SNX13: variants seen among roughly 807,000 people sequenced by gnomAD.
SNX13 encodes the protein sorting nexin-13.
A neutral mutation model predicts 133.6 loss-of-function variants in SNX13; 45 were observed. That is an observed-to-expected ratio of 0.34 (90% CI 0.27 to 0.43). The LOEUF is 0.43. SNX13 is among the 20% of genes least tolerant of loss of function. SNX13 has a pLI of 1.00. For synonymous variants in SNX13, 414 were observed against 373.9 expected (o/e 1.11, Z -1.24); for missense variants, 1,032 against 1,145.1 (o/e 0.90, Z 1.43).
At chr7:17,929,815 C>A (rs1206670878) in intron 1 of SNX13, among the ~76,000 whole-genome samples, 8 of 152,114 alleles carry the variant, frequency 5.3e-5, no homozygotes, top group Non-Finnish European at 1.0e-4. Flanking sequence ...AGGTGTCATC[C>A]CTTTGTATTT....
chr7:17,798,450 T>C (rs760557958), intron 24 of SNX13, among the ~76,000 whole-genome samples: 10 of 151,916 alleles, frequency 6.6e-5, no homozygotes, highest in Non-Finnish European at 1.5e-4. Flanking sequence ...TGTGATAAAA[T>C]GTAGCCTATC....
intron 12 of SNX13, among the ~76,000 whole-genome samples, chr7:17,842,164 C>T (rs764983209): frequency 2.0e-5 from 3 of 151,996 alleles, no homozygotes; most frequent in African/African-American, 2.4e-5. Flanking sequence ...TTCAAAGATA[C>T]CCACATGGAG....
chr7:17,817,722 T>C (rs1176243223), intron 18 of SNX13, among the ~76,000 whole-genome samples: 1 of 152,114 alleles, frequency 6.6e-6, no homozygotes, highest in Non-Finnish European at 1.5e-5. Context: ...TAGAAATGGG[T>C]CCTCACTGAA....
At position 17,834,791 on chromosome 7, in the gene SNX13, G is replaced by C; in HGVS notation, c.1434C>G (p.Thr478=). The C allele has an allele frequency of 6.2e-7, 1 of 1,608,320 alleles. No homozygotes were observed. Among genetic ancestry groups the C allele is most frequent in the Non-Finnish European group, 8.5e-7 (1 of 1,176,038 alleles). ...TTTGAATGTCATCAAAGATTTCAGG[G>C]GTTGGATCTTCATGATTCAAAGTAT... The part of the protein sequence containing the change: ...LADTLNHEDP[T]PEIFDDIQRK... The change falls in exon 14 of 26, where the codon ACC becomes ACG. Residue 478 remains threonine (T), a synonymous_variant. Coordinates refer to ENST00000428135, the MANE Select transcript of SNX13 (RefSeq NM_015132.5).
At chr7:17,882,770 T>C in intron 5 of SNX13, 1 of 1,178,380 alleles carries the variant, frequency 8.5e-7, no homozygotes, top group Non-Finnish European at 1.1e-6. Flanking sequence ...CTGAAAGGGT[T>C]CTCAAATCAC....
At chr7:17,910,157 T>C (rs905897431) in intron 1 of SNX13, among the ~76,000 whole-genome samples, 3 of 152,222 alleles carry the variant, frequency 2.0e-5, no homozygotes, top group Non-Finnish European at 2.9e-5. Context: ...TTTTTGATTA[T>C]TTTCCTTTTA....
chr7:17,857,726 A>G (rs1792099528), intron 9 of SNX13, among the ~76,000 whole-genome samples: 1 of 152,088 alleles, frequency 6.6e-6, no homozygotes, highest in Non-Finnish European at 1.5e-5. Context: ...TGGAGGTTAC[A>G]GTGAGCTGAG....
chr7:17,838,177 G>A (rs1393776987), intron 13 of SNX13, among the ~76,000 whole-genome samples: 1 of 151,784 alleles, frequency 6.6e-6, no homozygotes, highest in Non-Finnish European at 1.5e-5. Flanking sequence ...ACCTTATTAA[G>A]CAAATTATTT....
chr7:17,894,066 G>A (rs1409137747), intron 2 of SNX13, among the ~76,000 whole-genome samples: 1 of 151,158 alleles, frequency 6.6e-6, no homozygotes, highest in East Asian at 2.0e-4. Flanking sequence ...ACCTTGGGAG[G>A]CCGAGGCAGG....
intron 8 of SNX13, among the ~76,000 whole-genome samples, chr7:17,870,973 G>T (rs1583561248): frequency 6.6e-6 from 1 of 152,056 alleles, no homozygotes; most frequent in East Asian, 1.9e-4. Context: ...ATACAATTTA[G>T]CTGATAGAAT....
chr7:17,938,228 C>T (rs1187485554), intron 1 of SNX13, among the ~76,000 whole-genome samples: 1 of 152,136 alleles, frequency 6.6e-6, no homozygotes, highest in Non-Finnish European at 1.5e-5. Context: ...AGTTTACTGA[C>T]AATATTCAGA....
At chr7:17,805,952 G>C (rs554970048) in intron 20 of SNX13, among the ~76,000 whole-genome samples, 1 of 152,218 alleles carries the variant, frequency 6.6e-6, no homozygotes, top group South Asian at 2.1e-4. Flanking sequence ...AAGCATAAAA[G>C]CAAAGTCCAT....
chr7:17,821,684 A>G (rs1787300964), intron 17 of SNX13, 36 bp from the exon 18 acceptor site: 4 of 1,548,688 alleles, frequency 2.6e-6, no homozygotes, highest in Non-Finnish European at 2.6e-6. Flanking sequence ...AGCATATACT[A>G]ATCATTTAAA....
chr7:17,803,488 A>C lies in SNX13; in HGVS notation c.2157T>G (p.Thr719=), dbSNP rs766665204. ...TTTTGCCCATGTTGTCTGACATTTT[A>C]GTCATTCCCTCTGCCAAGCTATCAG... ...SLPDSLAEGM[T]KMSDNMGKMS... is the part of the protein sequence containing the mutation. Residue 719 remains threonine (T), a synonymous_variant, in exon 21 of 26, where the codon ACT becomes ACG. Coordinates refer to ENST00000428135, the MANE Select transcript of SNX13 (RefSeq NM_015132.5). 26 of 1,612,658 alleles carry C rather than the reference A, an allele frequency of 1.6e-5. No individual in the cohort carries two copies. In the East Asian group the frequency reaches 5.8e-4, roughly 36 times the overall value.
rs935445585 is a variant in SNX13 at position 17,794,205 on chromosome 7, C to T, written c.2714G>A (p.Arg905Lys). Residue 905 changes from arginine to lysine, a missense_variant, in exon 26 of 26, where the codon AGG (arginine) becomes AAG (lysine). By Grantham distance (26) the Arg-to-Lys change is conservative. Transcript: ENST00000428135. The part of the protein sequence containing the change: ...FEMFQHNQLN[R>K]RMVYVFLEGF... ...TTCCAAGAAGACATAAACCATTCTC[C>T]TATTTAATTGGTTGTGCTGAAACAT... 1.2e-6 allele frequency: 2 copies of T among 1,611,524 alleles called. No homozygotes were observed. Among genetic ancestry groups the T allele is most frequent in the African/African-American group, 1.3e-5 (1 of 74,816 alleles).
chr7:17,879,931 T>C (rs987508968), intron 5 of SNX13: 11 of 152,208 alleles, frequency 7.2e-5, no homozygotes, highest in South Asian at 2.1e-4. Flanking sequence ...ATGATTATAT[T>C]AGCTACATAA....
intron 9 of SNX13, among the ~76,000 whole-genome samples, chr7:17,861,599 C>T (rs932751668): frequency 2.0e-5 from 3 of 152,122 alleles, no homozygotes; most frequent in African/African-American, 4.8e-5. Context: ...GACAAAATGA[C>T]AGAGTATGAC....
chr7:17,895,158 T>C (rs1029968543), intron 2 of SNX13, among the ~76,000 whole-genome samples: 1 of 152,196 alleles, frequency 6.6e-6, no homozygotes, highest in Non-Finnish European at 1.5e-5. Context: ...ACATTAATTT[T>C]TGCCCACAAG....
At chr7:17,811,447 G>A (rs770024963) in intron 20 of SNX13, among the ~76,000 whole-genome samples, 35 of 152,138 alleles carry the variant, frequency 2.3e-4, no homozygotes, top group Middle Eastern at 3.2e-3. Flanking sequence ...CAAGGGATGC[G>A]AAGGACATCT....
Sources: allele counts gnomAD v4.1 joint callset (sites outside exome capture counted in the v4.1 genomes callset), GRCh38; gene constraint gnomAD v4.1.1; transcripts MANE v1.5; gene names NCBI Gene and HGNC (gene_info 2026-07-23, HGNC 2026-07-21).